Variants in AHDC1 observed in about 807,000 individuals in gnomAD.
AHDC1 encodes AT-hook DNA binding motif containing 1, also known as transcription factor Gibbin.
Under a neutral mutation model 87.9 loss-of-function variants are expected in AHDC1, and 7 were observed. The observed-to-expected ratio is 0.08, with a 90% CI of 0.05 to 0.15. The LOEUF (loss-of-function observed/expected upper bound fraction) is 0.15, where lower values mean the gene tolerates loss of function less well. AHDC1 is among the 10% of genes least tolerant of loss of function. AHDC1 has a pLI of 1.00. For missense variants in AHDC1, 1,841 were observed against 2,253.2 expected (o/e 0.82, Z 3.70); for synonymous variants, 1,051 against 1,006.8 (o/e 1.04, Z -0.83).
chr1:27,574,406 G>A (rs554487041), intron 3 of AHDC1, among the ~76,000 whole-genome samples: 1 of 152,276 alleles, frequency 6.6e-6, no homozygotes, highest in East Asian at 1.9e-4. Context: ...CAGATGCTAT[G>A]CTAACTGATT....
rs531669004 is a variant in AHDC1, at chr1:27,574,055, C to T, written c.-628-15172G>A. Among the ~76,000 whole-genome samples, 208 of 152,270 alleles carry T rather than the reference C, an allele frequency of 1.4e-3. 1 individual carries two copies. Among genetic ancestry groups the T allele is most frequent in the African/African-American group, 4.8e-3 (201 of 41,558 alleles). ...CAACATCCTGGGCTAAGGAGGAACCCCGAGGCATCTGAATTTGAATCTGGG... is the reference window on the plus strand; with the variant it reads ...CAACATCCTGGGCTAAGGAGGAACCTCGAGGCATCTGAATTTGAATCTGGG... On this transcript the variant is annotated intron_variant, in intron 3 of 8. Transcript: ENST00000673934.
At chr1:27,567,792 A>G (rs1408067533) in intron 3 of AHDC1, among the ~76,000 whole-genome samples, 3 of 151,942 alleles carry the variant, frequency 2.0e-5, no homozygotes, top group Non-Finnish European at 4.4e-5. Context: ...CTCCCCCAAC[A>G]TCTCTCCCTC....
intron 3 of AHDC1, among the ~76,000 whole-genome samples, chr1:27,574,764 T>A (rs1236024858): frequency 6.6e-6 from 1 of 152,088 alleles, no homozygotes; most frequent in African/African-American, 2.4e-5. Context: ...TGGGAAAGCG[T>A]CCCTTCCCCT....
Position 27,550,327 on chromosome 1 carries a change from G to A in AHDC1, c.1789C>T (p.Pro597Ser). Residue 597 changes from proline to serine, a missense_variant, in exon 8 of 9, where the codon CCC becomes TCC. This residue lies in a region of AHDC1 where 84 missense variants were observed against 111.7 expected (regional missense o/e 0.75). Coordinates refer to ENST00000673934, the MANE Select transcript of AHDC1 (RefSeq NM_001371928.1). ...GCGTCTGCTGCATAGGATGGCTGGG[G>A]AGATGCCAGCTTCTGCTTCCGCCGC... Reference protein sequence around the residue: ...RRRRKQKLASPQPSYAADAND... With the variant: ...RRRRKQKLASSQPSYAADAND... The A allele has an allele frequency of 6.2e-7, 1 of 1,614,116 alleles. No homozygotes were observed. Among genetic ancestry groups the A allele is most frequent in the Non-Finnish European group, 8.5e-7 (1 of 1,179,996 alleles).
chr1:27,537,420 TG>T (rs1385640287), intron 8 of AHDC1, among the ~76,000 whole-genome samples: 1 of 152,178 alleles, frequency 6.6e-6, no homozygotes, highest in East Asian at 1.9e-4. Context: ...AACCTGGTCG[TG>T]GCAGGAGAGA....
intron 7 of AHDC1, 116 bp from the exon 8 acceptor site, chr1:27,552,305 G>C: frequency 3.0e-6 from 3 of 1,016,540 alleles, no homozygotes; most frequent in Non-Finnish European, 3.9e-6. Flanking sequence ...TCCTTACCAA[G>C]CTCCCCTCCC....
chr1:27,537,346 A>G (rs1402254461), intron 8 of AHDC1, among the ~76,000 whole-genome samples: 4 of 152,188 alleles, frequency 2.6e-5, no homozygotes. Flanking sequence ...GCAGACCCCA[A>G]ACCAGGGTAA....
At chr1:27,556,145 A>C (rs1249645154) in intron 5 of AHDC1, among the ~76,000 whole-genome samples, 7 of 152,060 alleles carry the variant, frequency 4.6e-5, no homozygotes, top group Admixed American at 2.0e-4. Flanking sequence ...AGTGCCGGGA[A>C]GCGCCAGCCC....
intron 3 of AHDC1, among the ~76,000 whole-genome samples, chr1:27,578,230 C>T (rs1295561911): frequency 6.6e-6 from 1 of 152,054 alleles, no homozygotes; most frequent in African/African-American, 2.4e-5. Context: ...TAAAATACCT[C>T]ATTAATAATT....
At chr1:27,567,247 C>G (rs546902335) in intron 3 of AHDC1, among the ~76,000 whole-genome samples, 40 of 152,318 alleles carry the variant, frequency 2.6e-4, no homozygotes, top group Admixed American at 1.2e-3. Flanking sequence ...GATCTGTAAT[C>G]CTAACGCAGA....
chr1:27,599,934 A>T (rs143309746), intron 3 of AHDC1, among the ~76,000 whole-genome samples: 3 of 151,452 alleles, frequency 2.0e-5, no homozygotes, highest in Non-Finnish European at 2.9e-5. Context: ...CTTCCCAAAC[A>T]TCTGCTTGTC....
intron 3 of AHDC1, among the ~76,000 whole-genome samples, chr1:27,577,132 A>T (rs1036209463): frequency 5.3e-5 from 8 of 152,102 alleles, no homozygotes; most frequent in Non-Finnish European, 1.2e-4. Flanking sequence ...CACAGTCCAA[A>T]TCCCACAACG....
At chr1:27,602,083 G>A (rs1409406175) in intron 3 of AHDC1, among the ~76,000 whole-genome samples, 1 of 152,128 alleles carries the variant, frequency 6.6e-6, no homozygotes, top group Non-Finnish European at 1.5e-5. Flanking sequence ...GCCTCCCAGG[G>A]TGACGCCTGG....
Position 27,551,823 on chromosome 1 carries a change from G to C in AHDC1, c.293C>G (p.Pro98Arg). Residue 98 changes from proline (P) to arginine (R), a missense_variant, in exon 8 of 9, where the codon CCC (proline) becomes CGC (arginine). By Grantham distance (103) the Pro-to-Arg change is moderately radical. Coordinates refer to ENST00000673934, the MANE Select transcript of AHDC1 (RefSeq NM_001371928.1). Reference protein sequence around the residue: ...AARPVSQARCPTPVGDGSSSR... With the variant: ...AARPVSQARCRTPVGDGSSSR... The stretch of plus-strand genomic sequence containing the variant: ...GCTGCTGCCGTCTCCGACCGGTGTG[G>C]GGCAGCGGGCCTGTGAGACAGGACG... The C allele has an allele frequency of 6.2e-7, 1 of 1,612,012 alleles. No individual in the cohort carries two copies. The highest frequency in any genetic ancestry group is 8.5e-7 in the Non-Finnish European group (1 of 1,179,772).
chr1:27,539,630 G>C (rs1283652562), intron 8 of AHDC1, among the ~76,000 whole-genome samples: 6 of 151,938 alleles, frequency 3.9e-5, no homozygotes, highest in African/African-American at 1.5e-4. Context: ...ATTTTTAGTA[G>C]AGACAGGGTT....
chr1:27,577,986 C>T (rs971072269), intron 3 of AHDC1, among the ~76,000 whole-genome samples: 1 of 152,186 alleles, frequency 6.6e-6, no homozygotes, highest in Admixed American at 6.5e-5. Context: ...CAGACTACAC[C>T]CAGTTCAAGT....
intron 3 of AHDC1, among the ~76,000 whole-genome samples, chr1:27,570,693 C>T (rs1258177466): frequency 6.6e-6 from 1 of 152,168 alleles, no homozygotes; most frequent in Non-Finnish European, 1.5e-5. Flanking sequence ...ACCTGTGTCA[C>T]AGGCATGTGC....
Position 27,547,788 on chromosome 1 carries a change from T to A in AHDC1, c.4328A>T (p.His1443Leu), listed in dbSNP as rs973677475. The A allele has an allele frequency of 1.9e-6, 3 of 1,568,076 alleles. No homozygotes were observed. Among genetic ancestry groups the A allele is most frequent in the Non-Finnish European group, 2.6e-6 (3 of 1,155,736 alleles). ...CAGCGGCAGGTCCCGGCAGCTCAGG[T>A]GGGCCTGGGCTGCAGCTGCGTGGCC... Reference protein sequence around the residue: ...SLGHAAAAQAHLSCRDLPLGQ... With the variant: ...SLGHAAAAQALLSCRDLPLGQ... Residue 1443 changes from histidine to leucine, a missense_variant, in exon 8 of 9, where the codon CAC becomes CTC. Around this residue, in one of 13 missense-constraint regions of AHDC1, gnomAD observed 505 missense variants for 626.2 expected, o/e 0.81. Transcript: ENST00000673934. This position sits in a 1 kb window ranked among gnomAD's most constrained non-coding sequence, Gnocchi z 4.9.
At position 27,552,056 on chromosome 1, in the gene AHDC1, G is replaced by C; in HGVS notation, c.60C>G (p.Asp20Glu). 4.7e-6 allele frequency: 7 copies of C among 1,501,720 alleles called. No individual in the cohort carries two copies. The highest frequency in any genetic ancestry group is 5.3e-6 in the Non-Finnish European group (6 of 1,125,712). The allele number at this position is 1,501,720 out of a possible 1,614,324, so 93.0% of individuals were successfully genotyped here. The change falls in exon 8 of 9, where the codon GAC becomes GAG. Residue 20 changes from aspartate (D) to glutamate (E), a missense_variant. This residue lies in a region of AHDC1 where 142 missense variants were observed against 165.6 expected (regional missense o/e 0.86). Transcript: ENST00000673934. ...GGTAGTACTTGGGTTCCCGGAGGTA[G>C]TCAGGAGAGCTGCACACGGCACTGG... ...VTSSAVCSSP[D>E]YLREPKYYPG...
Sources: gnomAD v4.1 joint callset for allele counts (sites outside exome capture counted in the v4.1 genomes callset) on GRCh38, gnomAD v4.1.1 for gene constraint, gnomAD v4.1.1 regional missense constraint, Gnocchi (gnomAD v3.1) non-coding constraint, MANE v1.5 for transcripts, NCBI Gene and HGNC (gene_info 2026-07-23, HGNC 2026-07-21) for gene names.